Variants in SOD2 observed in about 807,000 individuals in gnomAD.
SOD2 encodes superoxide dismutase [Mn], mitochondrial.
SOD2 carries 11 observed loss-of-function variants against 27.0 expected under a neutral mutation model. The ratio of observed to expected loss-of-function variants is 0.41; its 90% CI spans 0.26 to 0.67. SOD2 has a LOEUF of 0.67. SOD2 is among the 30% of genes least tolerant of loss of function. The pLI, the probability that SOD2 is intolerant of heterozygous loss-of-function variation, is 0.34. For synonymous variants in SOD2, 105 were observed against 103.0 expected (o/e 1.02, Z -0.12); for missense variants, 250 against 274.5 (o/e 0.91, Z 0.63).
chr6:159,688,283 A>G (rs1447030240), intron 2 of SOD2, 41 bp from the exon 3 acceptor site: 6 of 1,158,872 alleles, frequency 5.2e-6, no homozygotes, highest in African/African-American at 1.5e-5. Context: ...TGTAACTCCT[A>G]CTTTTTCAAC....
At chr6:159,691,608 T>C (rs1192467244) in intron 2 of SOD2, 1 of 151,980 alleles carries the variant, frequency 6.6e-6, no homozygotes, top group East Asian at 1.9e-4. Flanking sequence ...AACGAATAAA[T>C]TAAAAAGACA....
intron 1 of SOD2, among the ~76,000 whole-genome samples, chr6:159,757,392 T>C (rs1780037427): frequency 6.6e-6 from 1 of 151,254 alleles, no homozygotes; most frequent in Admixed American, 6.7e-5. Context: ...TGTCTCTTGA[T>C]TAACCTTTTC....
chr6:159,700,526 C>T (rs941407290), intron 1 of SOD2, among the ~76,000 whole-genome samples: 4 of 151,736 alleles, frequency 2.6e-5, no homozygotes, highest in Non-Finnish European at 4.4e-5. Flanking sequence ...TGGTGGCAGG[C>T]GCCTGTAGTC....
At chr6:159,732,557 G>A (rs563866848) in intron 1 of SOD2, among the ~76,000 whole-genome samples, 6 of 152,274 alleles carry the variant, frequency 3.9e-5, no homozygotes, top group Non-Finnish European at 7.4e-5. Context: ...ATTATTGGCC[G>A]GGCGCAGTAG....
intron 1 of SOD2, among the ~76,000 whole-genome samples, chr6:159,733,597 A>G (rs985633158): frequency 1.3e-5 from 2 of 150,652 alleles, no homozygotes; most frequent in Non-Finnish European, 1.5e-5. Flanking sequence ...ACTGTGGTCT[A>G]GGTGACAGAG....
At chr6:159,717,143 C>T (rs1777934462) in intron 1 of SOD2, among the ~76,000 whole-genome samples, 1 of 152,150 alleles carries the variant, frequency 6.6e-6, no homozygotes, top group African/African-American at 2.4e-5. Flanking sequence ...TTTCCAGTAG[C>T]TGGACAAGCC....
intron 1 of SOD2, among the ~76,000 whole-genome samples, chr6:159,699,654 T>G (rs1480297621): frequency 6.6e-6 from 1 of 152,130 alleles, no homozygotes; most frequent in Non-Finnish European, 1.5e-5. Flanking sequence ...CCAGGATTTG[T>G]CATGGAGTAA....
chr6:159,736,367 A>T, intron 1 of SOD2: 1 of 1,201,912 alleles, frequency 8.3e-7, no homozygotes, highest in Non-Finnish European at 1.2e-6. Context: ...CACTTTAAAA[A>T]AAAATAGACT....
intron 1 of SOD2, chr6:159,736,167 A>C: frequency 8.0e-7 from 1 of 1,242,566 alleles, no homozygotes; most frequent in Non-Finnish European, 1.1e-6. Flanking sequence ...TAGTTCACTA[A>C]TAAATTGATT....
intron 1 of SOD2, chr6:159,726,310 A>C (rs1778167903): frequency 6.5e-6 from 1 of 154,038 alleles, no homozygotes; most frequent in South Asian, 1.9e-4. Context: ...TGGCTTTTGC[A>C]CTTTTTGTTT....
At position 159,675,401 on chromosome 6, in the gene SOD2, T is replaced by G. The variant is rs1360645803; in HGVS notation, c.*7092A>C. 2 of 152,124 alleles carry G rather than the reference T, an allele frequency of 1.3e-5. No homozygotes were observed. Among genetic ancestry groups the G allele is most frequent in the Non-Finnish European group, 2.9e-5 (2 of 68,032 alleles). 9.4% of individuals were successfully genotyped at this position (152,124 alleles called of 1,614,324 possible). On this transcript the variant is annotated 3_prime_UTR_variant, in exon 5 of 5. Coordinates refer to ENST00000538183, the MANE Select transcript of SOD2 (RefSeq NM_000636.4). ...CATGGTACTAGTACCAAAACAGAGA[T>G]ATAGACCAATGGAACAGAACAGAGC...
upstream of SOD2, among the ~76,000 whole-genome samples, chr6:159,693,600 G>T (rs537404192): frequency 1.1e-3 from 171 of 152,324 alleles, no homozygotes; most frequent in African/African-American, 3.9e-3. Context: ...TGCCGGCGGG[G>T]ATCTGGCTGC....
At chr6:159,710,453 A>G (rs1241978072) in intron 1 of SOD2, among the ~76,000 whole-genome samples, 2 of 151,994 alleles carry the variant, frequency 1.3e-5, no homozygotes, top group Non-Finnish European at 2.9e-5. Context: ...GTCTCAAAAA[A>G]AGAGGAAAAA....
At chr6:159,724,952 GA>G (rs1177963604) in intron 1 of SOD2, among the ~76,000 whole-genome samples, 2 of 149,416 alleles carry the variant, frequency 1.3e-5, no homozygotes, top group Non-Finnish European at 3.0e-5. Flanking sequence ...GGGAGAGAAA[GA>G]AAAAAAGAAA....
chr6:159,692,363 A>T, intron 2 of SOD2: 1 of 1,261,610 alleles, frequency 7.9e-7, no homozygotes, highest in East Asian at 3.1e-5. Flanking sequence ...CAGGCCCTAC[A>T]ATTCACCAGT....
chr6:159,712,250 C>CTAACCACCTCCATAACCACCACCA (rs1777812779), intron 1 of SOD2, among the ~76,000 whole-genome samples: 3 of 58,322 alleles, frequency 5.1e-5, no homozygotes, highest in Admixed American at 1.9e-4. Context: ...TCTGATCACC[C>CTAACCACCTCCATAACCACCACCA]TAACCACCTC....
upstream of SOD2, among the ~76,000 whole-genome samples, chr6:159,747,980 T>C (rs1040273839): frequency 6.6e-6 from 1 of 152,196 alleles, no homozygotes. Flanking sequence ...TGTATAGTGA[T>C]CAGATCGGGG....
intron 1 of SOD2, among the ~76,000 whole-genome samples, chr6:159,758,939 C>T (rs1173972946): frequency 6.6e-6 from 1 of 152,156 alleles, no homozygotes; most frequent in African/African-American, 2.4e-5. Context: ...CTCCATAGCA[C>T]TGCTGTAATG....
chr6:159,718,468 C>A (rs1777964981), intron 1 of SOD2, among the ~76,000 whole-genome samples: 1 of 152,002 alleles, frequency 6.6e-6, no homozygotes, highest in African/African-American at 2.4e-5. Context: ...ATTATGATAA[C>A]AATCTACTGA....
Sources: allele counts gnomAD v4.1 joint callset (sites outside exome capture counted in the v4.1 genomes callset), GRCh38; gene constraint gnomAD v4.1.1; transcripts MANE v1.5; gene names NCBI Gene and HGNC (gene_info 2026-07-23, HGNC 2026-07-21).